Variants in EPM2AIP1 observed in about 807,000 individuals in gnomAD.
The protein encoded by EPM2AIP1 is EPM2A-interacting protein 1.
In EPM2AIP1, 23 loss-of-function variants were observed where a neutral mutation model predicts 44.8. The observed-to-expected ratio is 0.51, with a 90% CI of 0.37 to 0.73. The LOEUF (loss-of-function observed/expected upper bound fraction) is 0.73, where lower values mean the gene tolerates loss of function less well. EPM2AIP1 is among the 30% of genes least tolerant of loss of function. The pLI is 0.00. For synonymous variants in EPM2AIP1, 311 were observed against 284.3 expected (o/e 1.09, Z -0.94); for missense variants, 652 against 743.9 (o/e 0.88, Z 1.44).
chr3:36,990,743 T>C lies in EPM2AIP1; in HGVS notation c.*511A>G. 1.0e-6 allele frequency: 1 copy of C among 985,660 alleles called. No individual in the cohort carries two copies. The highest frequency in any genetic ancestry group is 1.2e-6 in the Non-Finnish European group (1 of 829,930). 61.1% of individuals were successfully genotyped at this position (985,660 alleles called of 1,614,324 possible). On this transcript the variant is annotated 3_prime_UTR_variant, in exon 1 of 1. Transcript: ENST00000322716. ...ACTCAGAAATGTTTAAAAAAAAGTC[T>C]CAAACATTTTGATGGTTAGACAAAA...
chr3:36,988,589 T>C lies in EPM2AIP1; in HGVS notation c.*2665A>G, dbSNP rs1356330261. 1 of 152,164 alleles carries C rather than the reference T, an allele frequency of 6.6e-6. No individual in the cohort carries two copies. Among genetic ancestry groups the C allele is most frequent in the Non-Finnish European group, 1.5e-5 (1 of 68,024 alleles). The allele number at this position is 152,164 out of a possible 1,614,324, so 9.4% of individuals were successfully genotyped here. On this transcript the variant is annotated 3_prime_UTR_variant, in exon 1 of 1. Coordinates refer to ENST00000322716, the MANE Select transcript of EPM2AIP1 (RefSeq NM_014805.4). Reference sequence around the variant, plus strand: ...AGAACAAGGCAGTCTAAAACAAATTTTTTTAAAAATACGAAGAACAGATAT... The same window carrying C: ...AGAACAAGGCAGTCTAAAACAAATTCTTTTAAAAATACGAAGAACAGATAT...
rs1442645113 is a variant in EPM2AIP1 at position 36,992,634 on chromosome 3, A to G, written c.444T>C (p.Asp148=). ...TGCTCAGGATCCTCTGCCTTGTGAT[A>G]TCTGGAGATAAGTCAACGCCTTGCA... is the stretch of plus-strand genomic sequence containing the variant. ...SVLQGVDLSP[D]ITRQRILSID... Residue 148 remains aspartate, a synonymous_variant, in exon 1 of 1, where the codon GAT becomes GAC. Transcript: ENST00000322716. This position sits in a 1 kb window ranked among gnomAD's most constrained non-coding sequence, Gnocchi z 5.3. The G allele has an allele frequency of 1.2e-6, 2 of 1,614,026 alleles. No homozygotes were observed. Among genetic ancestry groups the G allele is most frequent in the Non-Finnish European group, 1.7e-6 (2 of 1,179,904 alleles).
In EPM2AIP1 at chr3:36,991,149, T is replaced by C. The variant is rs1022402324; in HGVS notation, c.*105A>G. Reference sequence around the variant, plus strand: ...TGTGATCAGTTTGGACGGCTGGTACTTGGTACTTTCTCACAATCCAAATTA... The same window carrying C: ...TGTGATCAGTTTGGACGGCTGGTACCTGGTACTTTCTCACAATCCAAATTA... On this transcript the variant is annotated 3_prime_UTR_variant, in exon 1 of 1. Transcript: ENST00000322716. 150 of 1,469,524 alleles carry C rather than the reference T, an allele frequency of 1.0e-4. No homozygotes were observed. The African/African-American group carries it at 1.9e-3, about 18-fold the overall frequency. The allele number at this position is 1,469,524 out of a possible 1,614,324, so 91.0% of individuals were successfully genotyped here.
Position 36,991,869 on chromosome 3 carries a change from G to T in EPM2AIP1, c.1209C>A (p.Val403=). The T allele has an allele frequency of 1.2e-6, 2 of 1,613,868 alleles. No homozygotes were observed. The highest frequency in any genetic ancestry group is 1.7e-6 in the Non-Finnish European group (2 of 1,179,864). The part of the protein sequence containing the change: ...ELSEELRVSK[V]FAAAAFDHIC... ...TATGGTCAAAGGCAGCAGCAGCAAAGACTTTACTAACTCGTAATTCTTCAC... is the reference window on the plus strand; with the variant it reads ...TATGGTCAAAGGCAGCAGCAGCAAATACTTTACTAACTCGTAATTCTTCAC... The change falls in exon 1 of 1, where the codon GTC becomes GTA. Residue 403 remains valine, a synonymous_variant. Coordinates refer to ENST00000322716, the MANE Select transcript of EPM2AIP1 (RefSeq NM_014805.4).
rs1442612122 is a variant in EPM2AIP1, at chr3:36,988,634, C to G, written c.*2620G>C. The G allele has an allele frequency of 6.6e-6, 1 of 152,110 alleles. No homozygotes were observed. The highest frequency in any genetic ancestry group is 2.4e-5 in the African/African-American group (1 of 41,414). The allele number at this position is 152,110 out of a possible 1,614,324, so 9.4% of individuals were successfully genotyped here. Reference sequence around the variant, plus strand: ...AGATATTGAAGGGAAGAGGTGCCTGCAAAGACTAAGAAAGCACACCTGGAG... The same window carrying G: ...AGATATTGAAGGGAAGAGGTGCCTGGAAAGACTAAGAAAGCACACCTGGAG... On this transcript the variant is annotated 3_prime_UTR_variant, in exon 1 of 1. Transcript: ENST00000322716.
Position 36,991,901 on chromosome 3 carries a change from C to T in EPM2AIP1, c.1177G>A (p.Glu393Lys). The T allele has an allele frequency of 4.3e-6, 7 of 1,613,970 alleles. No homozygotes were observed. The highest frequency in any genetic ancestry group is 5.9e-6 in the Non-Finnish European group (7 of 1,179,888). ...FLVDIMEHLR[E>K]LSEELRVSKV... is the part of the protein sequence containing the mutation. ...CTAACTCGTAATTCTTCACTGAGTT[C>T]TCGAAGGTGTTCCATAATGTCCACC... The change falls in exon 1 of 1, where the codon GAA becomes AAA. Residue 393 changes from glutamate (E) to lysine (K), a missense_variant. Physicochemically the swap from Glu to Lys is moderately conservative, Grantham distance 56 (BLOSUM62 1). Transcript: ENST00000322716.
Position 36,993,117 on chromosome 3 carries a change from G to C in EPM2AIP1, c.-40C>G, listed in dbSNP as rs768968356. The stretch of plus-strand genomic sequence containing the variant: ...CAAGAGCAGGGCCAACGTTAGAAAG[G>C]CCGCAAGGGGAGAGGAGGAGCCTGA... On this transcript the variant is annotated 5_prime_UTR_variant, in exon 1 of 1. Coordinates refer to ENST00000322716, the MANE Select transcript of EPM2AIP1 (RefSeq NM_014805.4). The C allele has an allele frequency of 1.2e-5, 19 of 1,559,724 alleles. No homozygotes were observed. Among genetic ancestry groups the C allele is most frequent in the Non-Finnish European group, 1.7e-5 (19 of 1,151,432 alleles).
In EPM2AIP1 at chr3:36,992,637, T is replaced by C. The variant is rs1186568511; in HGVS notation, c.441A>G (p.Pro147=). Reference sequence around the variant, plus strand: ...TCAGGATCCTCTGCCTTGTGATATCTGGAGATAAGTCAACGCCTTGCAGGA... The same window carrying C: ...TCAGGATCCTCTGCCTTGTGATATCCGGAGATAAGTCAACGCCTTGCAGGA... ...VSVLQGVDLS[P]DITRQRILSI... Residue 147 remains proline, a synonymous_variant, in exon 1 of 1, where the codon CCA becomes CCG. Coordinates refer to ENST00000322716, the MANE Select transcript of EPM2AIP1 (RefSeq NM_014805.4). This position sits in a 1 kb window ranked among gnomAD's most constrained non-coding sequence, Gnocchi z 5.3. 1.2e-6 allele frequency: 2 copies of C among 1,614,046 alleles called. No homozygotes were observed. The highest frequency in any genetic ancestry group is 8.5e-7 in the Non-Finnish European group (1 of 1,179,900).
At position 36,987,426 on chromosome 3, in the gene EPM2AIP1, A is replaced by AT. The variant is rs1411224007; in HGVS notation, c.*3827dup. 5 of 50,484 alleles carry AT rather than the reference A, an allele frequency of 9.9e-5. No individual in the cohort carries two copies. The South Asian group carries it at 2.4e-3, about 24-fold the overall frequency. 3.1% of individuals were successfully genotyped at this position (50,484 alleles called of 1,614,324 possible). On this transcript the variant is annotated 3_prime_UTR_variant, in exon 1 of 1. Coordinates refer to ENST00000322716, the MANE Select transcript of EPM2AIP1 (RefSeq NM_014805.4). ...CCTCTATATGTAGGTTCCTTTGGAA[A>AT]TTTAAAAAAAAAAAAAAAATATATA... is the stretch of plus-strand genomic sequence containing the variant.
rs916834099 is a variant in EPM2AIP1, at chr3:36,988,212, G to C, written c.*3042C>G. ...AGTCTTTTGGAGCAATTTGGTTGTA[G>C]TGTAGAAAGGAATAAAAATAAAAAA... On this transcript the variant is annotated 3_prime_UTR_variant, in exon 1 of 1. Coordinates refer to ENST00000322716, the MANE Select transcript of EPM2AIP1 (RefSeq NM_014805.4). The C allele has an allele frequency of 6.6e-6, 1 of 152,222 alleles. No individual in the cohort carries two copies. The highest frequency in any genetic ancestry group is 1.5e-5 in the Non-Finnish European group (1 of 68,040). 9.4% of individuals were successfully genotyped at this position (152,222 alleles called of 1,614,324 possible). A position where few individuals can be genotyped will look rare whatever the true frequency, so the allele number is the denominator to read the frequency against.
Position 36,992,916 on chromosome 3 carries a change from G to A in EPM2AIP1, c.162C>T (p.Val54=). 4 of 1,612,392 alleles carry A rather than the reference G, an allele frequency of 2.5e-6. No homozygotes were observed. The highest frequency in any genetic ancestry group is 1.6e-4 in the Middle Eastern group (1 of 6,084). The change falls in exon 1 of 1, where the codon GTC becomes GTT. Residue 54 remains valine, a synonymous_variant. Transcript: ENST00000322716. This position sits in a 1 kb window ranked among gnomAD's most constrained non-coding sequence, Gnocchi z 5.3. ...RLIVATRERD[V]RRHYEAEHEY... is the part of the protein sequence containing the mutation. ...CGTGCTCAGCCTCGTAGTGGCGCCT[G>A]ACGTCGCGTTCGCGGGTAGCTACGA...
chr3:36,989,221 TTCTC>T lies in EPM2AIP1; in HGVS notation c.*2029_*2032del, dbSNP rs973754096. 1 of 152,000 alleles carries T rather than the reference TTCTC, an allele frequency of 6.6e-6. No individual in the cohort carries two copies. The highest frequency in any genetic ancestry group is 2.4e-5 in the African/African-American group (1 of 41,428). 9.4% of individuals were successfully genotyped at this position (152,000 alleles called of 1,614,324 possible). A position where few individuals can be genotyped will look rare whatever the true frequency, so the allele number is the denominator to read the frequency against. ...AAGTGGCTTTCAGGTCTTCCAGTCT[TTCTC>T]TCAAGTAATAAAGCTCTGCTGTGAA... On this transcript the variant is annotated 3_prime_UTR_variant, in exon 1 of 1. Transcript: ENST00000322716.
chr3:36,993,039 G>A lies in EPM2AIP1; in HGVS notation c.39C>T (p.Asp13=). 6.2e-7 allele frequency: 1 copy of A among 1,610,974 alleles called. No individual in the cohort carries two copies. Among genetic ancestry groups the A allele is most frequent in the East Asian group, 2.2e-5 (1 of 44,846 alleles). ...ACTCGGGCCGGAAAACTAGAGCCTC[G>A]TCGACTTCCATCTTGCTTCTTTTGG... ...MTPKRSKMEV[D]EALVFRPEWT... Residue 13 remains aspartate (D), a synonymous_variant, in exon 1 of 1, where the codon GAC becomes GAT. Coordinates refer to ENST00000322716, the MANE Select transcript of EPM2AIP1 (RefSeq NM_014805.4).
Position 36,992,507 on chromosome 3 carries a change from G to A in EPM2AIP1, c.571C>T (p.Leu191Phe). 3 of 1,613,994 alleles carry A rather than the reference G, an allele frequency of 1.9e-6. 1 individual carries two copies. In the East Asian group the frequency reaches 6.7e-5, roughly 36 times the overall value. Reference sequence around the variant, plus strand: ...CCTACACCGCGGATAAAGACCAGGAGGTAGTTCTCATAGGCCACAAAAGCC... The same window carrying A: ...CCTACACCGCGGATAAAGACCAGGAAGTAGTTCTCATAGGCCACAAAAGCC... ...DQAFVAYENY[L>F]LVFIRGVGPE... Residue 191 changes from leucine to phenylalanine, a missense_variant, in exon 1 of 1, where the codon CTC becomes TTC. Coordinates refer to ENST00000322716, the MANE Select transcript of EPM2AIP1 (RefSeq NM_014805.4). This position sits in a 1 kb window ranked among gnomAD's most constrained non-coding sequence, Gnocchi z 5.3.
chr3:36,991,882 C>T lies in EPM2AIP1; in HGVS notation c.1196G>A (p.Arg399Gln). 1.9e-6 allele frequency: 3 copies of T among 1,613,930 alleles called. No individual in the cohort carries two copies. The highest frequency in any genetic ancestry group is 2.5e-6 in the Non-Finnish European group (3 of 1,179,884). ...AGCAGCAGCAAAGACTTTACTAACT[C>T]GTAATTCTTCACTGAGTTCTCGAAG... ...EHLRELSEEL[R>Q]VSKVFAAAAF... Residue 399 changes from arginine to glutamine, a missense_variant, in exon 1 of 1, where the codon CGA becomes CAA. Transcript: ENST00000322716.
In EPM2AIP1 at chr3:36,993,083, G is replaced by T; in HGVS notation, c.-6C>A. On this transcript the variant is annotated 5_prime_UTR_variant, in exon 1 of 1. Coordinates refer to ENST00000322716, the MANE Select transcript of EPM2AIP1 (RefSeq NM_014805.4). ...CTTTTGGGCGTCATCCACATTCTGCGGGAGGCCACAAGAGCAGGGCCAACG... is the reference window on the plus strand; with the variant it reads ...CTTTTGGGCGTCATCCACATTCTGCTGGAGGCCACAAGAGCAGGGCCAACG... 6.3e-7 allele frequency: 1 copy of T among 1,596,996 alleles called. No homozygotes were observed. Among genetic ancestry groups the T allele is most frequent in the South Asian group, 1.1e-5 (1 of 89,638 alleles).
rs182336915 is a variant in EPM2AIP1, at chr3:36,988,638, G to A, written c.*2616C>T. 254 of 152,232 alleles carry A rather than the reference G, an allele frequency of 1.7e-3. No homozygotes were observed. Among genetic ancestry groups the A allele is most frequent in the African/African-American group, 5.9e-3 (243 of 41,532 alleles). The allele number at this position is 152,232 out of a possible 1,614,324, so 9.4% of individuals were successfully genotyped here. ...ATTGAAGGGAAGAGGTGCCTGCAAA[G>A]ACTAAGAAAGCACACCTGGAGATGG... On this transcript the variant is annotated 3_prime_UTR_variant, in exon 1 of 1. Transcript: ENST00000322716.
In EPM2AIP1 at chr3:36,991,715, A is replaced by G. The variant is rs774713918; in HGVS notation, c.1363T>C (p.Phe455Leu). 5 of 1,613,572 alleles carry G rather than the reference A, an allele frequency of 3.1e-6. No homozygotes were observed. In the African/African-American group the frequency reaches 4.0e-5, roughly 13 times the overall value. Residue 455 changes from phenylalanine to leucine, a missense_variant, in exon 1 of 1, where the codon TTT becomes CTT. Coordinates refer to ENST00000322716, the MANE Select transcript of EPM2AIP1 (RefSeq NM_014805.4). Reference sequence around the variant, plus strand: ...ACCATTTGATACCTATCAGGATCAAATATTTTTTCATCTTCCTTATTTTGC... The same window carrying G: ...ACCATTTGATACCTATCAGGATCAAGTATTTTTTCATCTTCCTTATTTTGC... Reference protein sequence around the residue: ...KQQNKEDEKIFDPDRYQMVIC... With the variant: ...KQQNKEDEKILDPDRYQMVIC...
Position 36,992,475 on chromosome 3 carries a change from C to G in EPM2AIP1, c.603G>C (p.Glu201Asp). ...LLVFIRGVGP[E>D]LEVQEDLLTI... ...TCAGAAGATCTTCTTGCACCTCCAA[C>G]TCAGGGCCTACACCGCGGATAAAGA... The change falls in exon 1 of 1, where the codon GAG (glutamate) becomes GAC (aspartate). Residue 201 changes from glutamate to aspartate, a missense_variant. Transcript: ENST00000322716. The surrounding 1 kb of genome is among the most constrained non-coding windows in gnomAD (Gnocchi z 5.3). The G allele has an allele frequency of 1.9e-6, 3 of 1,614,008 alleles. No homozygotes were observed. The highest frequency in any genetic ancestry group is 1.7e-6 in the Non-Finnish European group (2 of 1,179,882).
Sources: allele counts gnomAD v4.1 joint callset, GRCh38; gene constraint gnomAD v4.1.1; non-coding constraint Gnocchi (gnomAD v3.1); transcripts MANE v1.5; gene names NCBI Gene and HGNC (gene_info 2026-07-23, HGNC 2026-07-21).